Variants in TTC39A observed in about 807,000 individuals in gnomAD.
TTC39A encodes tetratricopeptide repeat domain 39A, also known as tetratricopeptide repeat protein 39A.
In TTC39A, 46 loss-of-function variants were observed where a neutral mutation model predicts 82.3. The ratio of observed to expected loss-of-function variants is 0.56; its 90% CI spans 0.44 to 0.71. The LOEUF (loss-of-function observed/expected upper bound fraction) is 0.71. Ranked by LOEUF, TTC39A falls within the 30% of genes least tolerant of loss-of-function variation. The pLI, the probability that TTC39A is intolerant of heterozygous loss-of-function variation, is 0.00. For synonymous variants in TTC39A, 254 were observed against 275.2 expected, an observed-to-expected ratio of 0.92 and a Z score of 0.76; for missense variants, 543 against 712.9, an observed-to-expected ratio of 0.76 and a Z score of 2.71.
chr1:51,344,967 C>A lies in TTC39A; in HGVS notation c.53+24G>T, dbSNP rs776702800. 15 of 1,525,602 alleles carry A rather than the reference C, an allele frequency of 9.8e-6. No individual in the cohort carries two copies. The South Asian group carries it at 1.7e-4, about 17-fold the overall frequency. The allele number at this position is 1,525,602 out of a possible 1,614,324, so 94.5% of individuals were successfully genotyped here. ...CCTTGGTCCCGTCCGCGCCTTCCGC[C>A]GAGTCCCCACCCCTGCCCGGTACCT... On this transcript the variant is annotated intron_variant, in intron 1 of 5. Coordinates refer to the TTC39A transcript ENST00000401051.
upstream of TTC39A, among the ~76,000 whole-genome samples, chr1:51,336,329 C>A (rs1364776176): frequency 1.3e-5 from 2 of 152,098 alleles, no homozygotes; most frequent in African/African-American, 2.4e-5. Context: ...AGCTCTGTGA[C>A]CTTTGGCAAG....
At chr1:51,295,598 G>A (rs996866813) in intron 13 of TTC39A, 4 of 169,264 alleles carry the variant, frequency 2.4e-5, no homozygotes, top group African/African-American at 9.5e-5. Flanking sequence ...GTGCTGCGAG[G>A]TGGAGGTTGT....
intron 12 of TTC39A, 139 bp downstream of exon 12, chr1:51,301,433 C>A: frequency 8.6e-7 from 1 of 1,158,458 alleles, no homozygotes; most frequent in Non-Finnish European, 1.2e-6. Context: ...TCCTTCCAAG[C>A]CTGAGTCCTA....
At chr1:51,290,237 G>GCTGAGGACAGGGAC in intron 15 of TTC39A, 118 bp from the exon 16 acceptor site, 1 of 891,326 alleles carries the variant, frequency 1.1e-6, no homozygotes, top group Non-Finnish European at 1.7e-6. Context: ...CACAGTCCCT[G>GCTGAGGACAGGGAC]TCCTCAGCAG....
chr1:51,293,154 A>G (rs1357737239), intron 14 of TTC39A, among the ~76,000 whole-genome samples: 1 of 147,286 alleles, frequency 6.8e-6, no homozygotes, highest in Non-Finnish European at 1.5e-5. Context: ...TGCAACCTCC[A>G]CCTTTCAGAT....
At chr1:51,305,721 T>C (rs560895132) in intron 7 of TTC39A, 6 of 529,250 alleles carry the variant, frequency 1.1e-5, no homozygotes, top group African/African-American at 3.8e-5. Context: ...GGTTCCACCA[T>C]GGTGGATTTC....
At chr1:51,304,889 G>T (rs1374317760) in intron 8 of TTC39A, among the ~76,000 whole-genome samples, 192 bp downstream of exon 8, 1 of 152,200 alleles carries the variant, frequency 6.6e-6, no homozygotes, top group Non-Finnish European at 1.5e-5. Flanking sequence ...GCCAGGCAGG[G>T]ATCACTAGCC....
At position 51,306,042 on chromosome 1, in the gene TTC39A, A is replaced by T. The variant is rs1644856497; in HGVS notation, c.523T>A (p.Cys175Ser). ...LDSLVQSSQY[C>S]KGENHPHFEG... ...AAGTGCGGGTGGTTCTCACCCTTGC[A>T]GTATTGTGAGGACTGAACAAGGCTG... The change falls in exon 7 of 18, where the codon TGC becomes AGC. Residue 175 changes from cysteine (C) to serine (S), a missense_variant. Coordinates refer to ENST00000680483, the MANE Select transcript of TTC39A (RefSeq NM_001297663.2). 2 of 1,613,660 alleles carry T rather than the reference A, an allele frequency of 1.2e-6. No homozygotes were observed. The highest frequency in any genetic ancestry group is 2.2e-5 in the South Asian group (2 of 91,082).
Position 51,329,099 on chromosome 1 carries a change from C to T in TTC39A, c.41+1338G>A, listed in dbSNP as rs143605960. On this transcript the variant is annotated intron_variant, in intron 1 of 17. Transcript: ENST00000680483. ...GCTGTCCTGAGGCCTGCAGCAGGGC[C>T]AGAGGTGCCCGGGGTTGTAGAGGGC... Among the ~76,000 whole-genome samples, 5 of 152,302 alleles carry T rather than the reference C, an allele frequency of 3.3e-5. No individual in the cohort carries two copies. In the East Asian group the frequency reaches 9.6e-4, roughly 29 times the overall value.
rs572599585 is a variant in TTC39A at position 51,291,201 on chromosome 1, T to G, written c.1267-576A>C. Among the ~76,000 whole-genome samples the G allele has an allele frequency of 2.6e-5, 4 of 152,236 alleles. No individual in the cohort carries two copies. In the South Asian group the frequency reaches 8.3e-4, roughly 32 times the overall value. On this transcript the variant is annotated intron_variant, in intron 14 of 17. Coordinates refer to ENST00000680483, the MANE Select transcript of TTC39A (RefSeq NM_001297663.2). ...ATTCTTTTTTTTTAGTTAAAAAAAT[T>G]TGGGGGGGGCCAGGCACAGCGGCTC...
In TTC39A at chr1:51,301,603, T is replaced by A. The variant is rs748363431; in HGVS notation, c.1022A>T (p.Asp341Val). The A allele has an allele frequency of 1.5e-5, 24 of 1,612,216 alleles. No individual in the cohort carries two copies. The Admixed American group carries it at 4.0e-4, about 27-fold the overall frequency. Residue 341 changes from aspartate to valine, a missense_variant, in exon 12 of 18, where the codon GAC becomes GTC. Physicochemically the swap from Asp to Val is radical, Grantham distance 152 (BLOSUM62 -3). Transcript: ENST00000680483. ...GQWKMSYFYADLLSKENCWSK... is the reference protein window; with the variant it reads ...GQWKMSYFYAVLLSKENCWSK... ...CCAGCAGTTCTCCTTGCTGAGCAGG[T>A]CGGCGTAGAAGTAGGACATCTTCCA...
At chr1:51,311,679 G>A (rs1645086048) in intron 4 of TTC39A, among the ~76,000 whole-genome samples, 1 of 152,158 alleles carries the variant, frequency 6.6e-6, no homozygotes, top group Non-Finnish European at 1.5e-5. Flanking sequence ...TGTGGTCATG[G>A]CACAAAGACC....
intron 1 of TTC39A, among the ~76,000 whole-genome samples, chr1:51,343,681 T>A (rs974859371): frequency 1.3e-5 from 2 of 152,192 alleles, no homozygotes; most frequent in African/African-American, 4.8e-5. Context: ...CCTAGTACAG[T>A]GCTGGCCCAG....
At position 51,312,799 on chromosome 1, in the gene TTC39A, C is replaced by T. The variant is rs372153187; in HGVS notation, c.278+13G>A. Reference sequence around the variant, plus strand: ...CCTCCCAACCTCTGATCCCTGCCCCCAATGCCCCCAACCTCTGACACAGCA... The same window carrying T: ...CCTCCCAACCTCTGATCCCTGCCCCTAATGCCCCCAACCTCTGACACAGCA... On this transcript the variant is annotated intron_variant, in intron 3 of 17. Coordinates refer to ENST00000680483, the MANE Select transcript of TTC39A (RefSeq NM_001297663.2). 25 of 1,611,780 alleles carry T rather than the reference C, an allele frequency of 1.6e-5. No individual in the cohort carries two copies. In the African/African-American group the frequency reaches 2.8e-4, roughly 18 times the overall value.
At chr1:51,313,700 T>C (rs763447878) in intron 2 of TTC39A, among the ~76,000 whole-genome samples, 1 of 152,152 alleles carries the variant, frequency 6.6e-6, no homozygotes, top group Admixed American at 6.5e-5. Context: ...TTCCCTCAGA[T>C]TGCAATGCCC....
chr1:51,300,306 A>G (rs1644602788), intron 12 of TTC39A: 1 of 152,160 alleles, frequency 6.6e-6, no homozygotes, highest in Non-Finnish European at 1.5e-5. Flanking sequence ...CCCCAGCCCC[A>G]CCTGCCCCAG....
rs1247846592 is a variant in TTC39A at position 51,320,422 on chromosome 1, T to C, written c.146+1299A>G. Among the ~76,000 whole-genome samples the C allele has an allele frequency of 2.4e-4, 34 of 142,906 alleles. 1 individual carries two copies. The highest frequency in any genetic ancestry group is 7.3e-4 in the African/African-American group (28 of 38,554). The allele number at this position is 142,906 out of a possible 152,430, so 93.8% of individuals were successfully genotyped here. ...TTTTTTTCTTTTTCTTTTTCTTTTT[T>C]TTTTTTTTTTTTTTGAGACAGGGTT... On this transcript the variant is annotated intron_variant, in intron 2 of 17. Coordinates refer to ENST00000680483, the MANE Select transcript of TTC39A (RefSeq NM_001297663.2).
chr1:51,305,258 A>T, intron 7 of TTC39A, 112 bp from the exon 8 acceptor site: 1 of 1,016,822 alleles, frequency 9.8e-7, no homozygotes, highest in Non-Finnish European at 1.5e-6. Flanking sequence ...GGAGAGGGCC[A>T]CCCCTCTAAC....
upstream of TTC39A, among the ~76,000 whole-genome samples, chr1:51,336,160 C>G (rs1645972091): frequency 6.6e-6 from 1 of 152,164 alleles, no homozygotes; most frequent in Non-Finnish European, 1.5e-5. Context: ...TAACAGGTTA[C>G]AGGTTTGGGC....
Sources: allele counts gnomAD v4.1 joint callset (sites outside exome capture counted in the v4.1 genomes callset), GRCh38; gene constraint gnomAD v4.1.1; transcripts MANE v1.5; gene names NCBI Gene and HGNC (gene_info 2026-07-23, HGNC 2026-07-21).